The following BMPR1B variants were observed in gnomAD, a reference collection of about 807,000 sequenced individuals.
BMPR1B encodes bone morphogenetic protein receptor type 1B.
A neutral mutation model predicts 59.1 loss-of-function variants in BMPR1B; 12 were observed. The observed-to-expected ratio is 0.20, with a 90% CI of 0.13 to 0.33. BMPR1B has a LOEUF of 0.33. BMPR1B is among the 10% of genes least tolerant of loss of function. The probability of loss-of-function intolerance (pLI) is 1.00; values close to 1 mark genes in which losing one functional copy is unlikely to be tolerated. For missense variants in BMPR1B, 550 were observed against 610.9 expected (o/e 0.90, Z 1.05); for synonymous variants, 237 against 207.3 (o/e 1.14, Z -1.23).
chr4:95,064,141 A>T (rs1056239360), intron 3 of BMPR1B, among the ~76,000 whole-genome samples: 2 of 152,220 alleles, frequency 1.3e-5, no homozygotes, highest in Non-Finnish European at 1.5e-5. Flanking sequence ...ACTGTCATAG[A>T]TATGACACCA....
intron 2 of BMPR1B, among the ~76,000 whole-genome samples, chr4:94,960,775 G>T (rs1730324022): frequency 6.6e-6 from 1 of 151,906 alleles, no homozygotes. Flanking sequence ...TCAAGATATT[G>T]AGCCACTTAC....
At chr4:95,147,162 A>G (rs1023958636) in intron 10 of BMPR1B, among the ~76,000 whole-genome samples, 2 of 152,182 alleles carry the variant, frequency 1.3e-5, no homozygotes, top group African/African-American at 4.8e-5. Context: ...GAGGGGCCTA[A>G]TGAGTACACT....
At chr4:95,011,071 TTTTG>T (rs1293089663) in intron 3 of BMPR1B, among the ~76,000 whole-genome samples, 1 of 152,162 alleles carries the variant, frequency 6.6e-6, no homozygotes, top group Non-Finnish European at 1.5e-5. Flanking sequence ...TAAATTTGTT[TTTTG>T]TTTGTGTGTT....
At chr4:94,761,349 AATTACTATTT>A (rs763616050) in intron 1 of BMPR1B, among the ~76,000 whole-genome samples, 69 of 151,818 alleles carry the variant, frequency 4.5e-4, no homozygotes, top group Non-Finnish European at 8.5e-4. Context: ...TGTTGGGCAG[AATTACTATTT>A]CTTACCTGCA....
chr4:95,074,789 TA>T (rs1159791780), intron 3 of BMPR1B, among the ~76,000 whole-genome samples: 4 of 151,100 alleles, frequency 2.6e-5, no homozygotes, highest in Admixed American at 6.6e-5. Context: ...TAATGGAAAT[TA>T]AAAAAAAACC....
chr4:95,019,991 A>C (rs1723855968), intron 3 of BMPR1B, among the ~76,000 whole-genome samples: 1 of 152,190 alleles, frequency 6.6e-6, no homozygotes, highest in Non-Finnish European at 1.5e-5. Flanking sequence ...AAATTTATAC[A>C]AGCTTGGGTG....
At chr4:94,989,562 G>A (rs1721614049) in intron 2 of BMPR1B, among the ~76,000 whole-genome samples, 3 of 152,010 alleles carry the variant, frequency 2.0e-5, no homozygotes, top group Admixed American at 1.3e-4. Flanking sequence ...TACCAATATA[G>A]GTATTTATCA....
rs188964824 is a variant in BMPR1B at position 95,060,478 on chromosome 4, T to C, written c.-17-43930T>C. 3.0e-3 allele frequency among the ~76,000 whole-genome samples: 456 copies of C among 152,316 alleles called. 5 individuals carry two copies. Among genetic ancestry groups the C allele is most frequent in the African/African-American group, 0.01 (434 of 41,572 alleles). On this transcript the variant is annotated intron_variant, in intron 3 of 12. Transcript: ENST00000515059. Reference sequence around the variant, plus strand: ...ACTACACAAATATTGTCCCCAATGATGAAGAAGGGATAAGGAATCTTAATT... The same window carrying C: ...ACTACACAAATATTGTCCCCAATGACGAAGAAGGGATAAGGAATCTTAATT...
At chr4:95,152,600 G>T in intron 11 of BMPR1B, 43 bp from the exon 12 acceptor site, 2 of 1,455,000 alleles carry the variant, frequency 1.4e-6, no homozygotes, top group South Asian at 1.4e-5. Flanking sequence ...CTACTTCACA[G>T]AAAATAATAA....
At chr4:95,074,415 A>AG (rs1560633800) in intron 3 of BMPR1B, among the ~76,000 whole-genome samples, 1 of 152,044 alleles carries the variant, frequency 6.6e-6, no homozygotes, top group Admixed American at 6.6e-5. Flanking sequence ...GCCCTACTAG[A>AG]GGCGCTTGGA....
chr4:94,907,293 GAA>G (rs1327041241), intron 2 of BMPR1B, among the ~76,000 whole-genome samples: 7 of 152,186 alleles, frequency 4.6e-5, no homozygotes, highest in African/African-American at 1.7e-4. Context: ...TTAAAGGAGA[GAA>G]AGGCATCTTT....
At chr4:94,787,877 A>G (rs1412825281) in intron 1 of BMPR1B, among the ~76,000 whole-genome samples, 1 of 152,146 alleles carries the variant, frequency 6.6e-6, no homozygotes, top group Admixed American at 6.5e-5. Flanking sequence ...CACAAGATTC[A>G]CTGGAGTTAG....
intron 2 of BMPR1B, among the ~76,000 whole-genome samples, chr4:94,919,738 AGT>A (rs1331230151): frequency 1.6e-4 from 24 of 152,246 alleles, no homozygotes; most frequent in African/African-American, 5.8e-4. Flanking sequence ...TTATGGGCAA[AGT>A]CTATGATCCA....
intron 1 of BMPR1B, among the ~76,000 whole-genome samples, chr4:94,772,548 A>G (rs2110574046): frequency 6.6e-6 from 1 of 152,328 alleles, no homozygotes; most frequent in South Asian, 2.1e-4. Flanking sequence ...TGTGTGTTAA[A>G]TGAACACATT....
At chr4:94,989,739 ATT>A (rs1721625378) in intron 2 of BMPR1B, among the ~76,000 whole-genome samples, 1 of 152,158 alleles carries the variant, frequency 6.6e-6, no homozygotes, top group Admixed American at 6.5e-5. Flanking sequence ...TTATTCATTT[ATT>A]TATTAGTTTA....
intron 1 of BMPR1B, among the ~76,000 whole-genome samples, chr4:94,805,480 T>C (rs749186898): frequency 1.3e-5 from 2 of 151,980 alleles, no homozygotes; most frequent in Non-Finnish European, 2.9e-5. Context: ...AAAATAAGAG[T>C]GTTTTGTGAC....
At chr4:95,131,561 CT>C in intron 10 of BMPR1B, 49 bp downstream of exon 10, 1 of 1,597,940 alleles carries the variant, frequency 6.3e-7, no homozygotes, top group Non-Finnish European at 8.6e-7. Flanking sequence ...TTTTCTGTTA[CT>C]TTTTATTTTG....
chr4:94,878,089 A>G (rs1726803171), intron 2 of BMPR1B, among the ~76,000 whole-genome samples: 1 of 152,186 alleles, frequency 6.6e-6, no homozygotes, highest in Non-Finnish European at 1.5e-5. Flanking sequence ...TTTTATTTCT[A>G]GGATATATTC....
At chr4:94,870,662 A>G (rs1726452414) in intron 1 of BMPR1B, among the ~76,000 whole-genome samples, 1 of 152,076 alleles carries the variant, frequency 6.6e-6, no homozygotes, top group Non-Finnish European at 1.5e-5. Flanking sequence ...TTAACCTGAA[A>G]GTTTTGGTTG....
Sources: gnomAD v4.1 joint callset for allele counts (sites outside exome capture counted in the v4.1 genomes callset) on GRCh38, gnomAD v4.1.1 for gene constraint, MANE v1.5 for transcripts, NCBI Gene and HGNC (gene_info 2026-07-23, HGNC 2026-07-21) for gene names.